The following LHX8 variants were observed in gnomAD, a reference collection of about 807,000 sequenced individuals.
The protein encoded by LHX8 is LIM/homeobox protein Lhx8.
In LHX8, 12 loss-of-function variants were observed where a neutral mutation model predicts 40.3. That is an observed-to-expected ratio of 0.30 (90% CI 0.19 to 0.48). LHX8 has a LOEUF of 0.48. LHX8 is among the 20% of genes least tolerant of loss of function. LHX8 has a pLI of 0.99. For synonymous variants in LHX8, 179 were observed against 162.0 expected, an observed-to-expected ratio of 1.10 and a Z score of -0.80; for missense variants, 344 against 433.7, an observed-to-expected ratio of 0.79 and a Z score of 1.84.
At chr1:75,137,403 T>G in intron 3 of LHX8, 142 bp downstream of exon 3, 4 of 794,954 alleles carry the variant, frequency 5.0e-6, no homozygotes, top group South Asian at 4.9e-5. Flanking sequence ...ATCAGCCCAG[T>G]TTAGGGCAAC....
chr1:75,133,831 T>C (rs1420599584), upstream of LHX8, among the ~76,000 whole-genome samples: 1 of 152,222 alleles, frequency 6.6e-6, no homozygotes, highest in Non-Finnish European at 1.5e-5. Context: ...CTTGTAGCCT[T>C]GATTTCAAAT....
At chr1:75,139,772 T>A (rs1458398938) in intron 3 of LHX8, among the ~76,000 whole-genome samples, 3 of 152,172 alleles carry the variant, frequency 2.0e-5, no homozygotes, top group African/African-American at 7.2e-5. Flanking sequence ...AAGAGACACA[T>A]AACTGTAATT....
chr1:75,129,221 C>T (rs558089395), intron 1 of LHX8, among the ~76,000 whole-genome samples: 16 of 152,222 alleles, frequency 1.1e-4, no homozygotes, highest in African/African-American at 3.9e-4. Flanking sequence ...TAACTTCAAA[C>T]CTGTGCTCTT....
intron 1 of LHX8, 26 bp downstream of exon 1, chr1:75,134,980 C>T: frequency 1.0e-6 from 1 of 975,822 alleles, no homozygotes; most frequent in Non-Finnish European, 1.2e-6. Flanking sequence ...GTTCTATTTG[C>T]TGTGGTGATC....
At chr1:75,138,113 G>A (rs1648205729) in intron 3 of LHX8, among the ~76,000 whole-genome samples, 1 of 152,116 alleles carries the variant, frequency 6.6e-6, no homozygotes, top group South Asian at 2.1e-4. Context: ...AGAAATTTTG[G>A]CAGGCCACAG....
At chr1:75,178,674 C>T in the LHX8 span, among the ~76,000 whole-genome samples, 1 of 152,308 alleles carries the variant, frequency 6.6e-6, no homozygotes, top group Non-Finnish European at 1.5e-5. Flanking sequence ...CTATCTCCTT[C>T]AGTTCTGCTC....
Position 75,160,599 on chromosome 1 carries a change from T to C in LHX8, c.965-220T>C, listed in dbSNP as rs141795656. 381 of 563,678 alleles carry C rather than the reference T, an allele frequency of 6.8e-4. 2 individuals carry two copies. The highest frequency in any genetic ancestry group is 6.2e-3 in the African/African-American group (330 of 53,008). 34.9% of individuals were successfully genotyped at this position (563,678 alleles called of 1,614,324 possible). A position where few individuals can be genotyped will look rare whatever the true frequency, so the allele number is the denominator to read the frequency against. The stretch of plus-strand genomic sequence containing the variant: ...GATGGAGGACATTAAAATGGCAAAA[T>C]CTTGTGGCCCCAAATAAAGATTTGG... On this transcript the variant is annotated intron_variant, in intron 8 of 8. Coordinates refer to ENST00000356261, the MANE Select transcript of LHX8 (RefSeq NM_001256114.2).
chr1:75,157,072 G>A lies in LHX8; in HGVS notation c.960G>A (p.Met320Ile), dbSNP rs779442273. 3 of 1,614,098 alleles carry A rather than the reference G, an allele frequency of 1.9e-6. No homozygotes were observed. The Admixed American group carries it at 5.0e-5, about 27-fold the overall frequency. The change falls in exon 8 of 9, where the codon ATG (methionine) becomes ATA (isoleucine). Residue 320 changes from methionine (M) to isoleucine (I), a missense_variant. This residue lies in a region of LHX8 where 89 missense variants were observed against 92.8 expected (regional missense o/e 0.96). Transcript: ENST00000356261. Reference protein sequence around the residue: ...GTMLTALHSYMDAHSPTTLGL... With the variant: ...GTMLTALHSYIDAHSPTTLGL... The stretch of plus-strand genomic sequence containing the variant: ...TGTTAACTGCGCTGCATAGTTATAT[G>A]GATGGTAGGTATCCCAACATTTAAC...
the LHX8 span, among the ~76,000 whole-genome samples, chr1:75,195,201 C>T: frequency 6.6e-6 from 1 of 152,174 alleles, no homozygotes; most frequent in Non-Finnish European, 1.5e-5. Flanking sequence ...TAAATTTTCA[C>T]ATTACCCAAA....
At position 75,151,390 on chromosome 1, in the gene LHX8, C is replaced by T. The variant is rs537846578; in HGVS notation, c.780+2708C>T. Among the ~76,000 whole-genome samples the T allele has an allele frequency of 1.6e-4, 24 of 152,270 alleles. No homozygotes were observed. The Middle Eastern group carries it at 0.01, about 65-fold the overall frequency. ...ATAAGCAATCTGAAAAACATACTAC[C>T]TCAAAGGCTACCAGGGTTGTGAAAG... On this transcript the variant is annotated intron_variant, in intron 7 of 8. Coordinates refer to ENST00000356261, the MANE Select transcript of LHX8 (RefSeq NM_001256114.2).
rs903869073 is a variant in LHX8 at position 75,156,930 on chromosome 1, A to C, written c.818A>C (p.His273Pro). 1 of 1,614,160 alleles carries C rather than the reference A, an allele frequency of 6.2e-7. No homozygotes were observed. The highest frequency in any genetic ancestry group is 2.2e-5 in the East Asian group (1 of 44,868). Residue 273 changes from histidine to proline, a missense_variant, in exon 8 of 9, where the codon CAC becomes CCC. His to Pro is a moderately conservative substitution (Grantham distance 77). Transcript: ENST00000356261. ...AATTGTAGAGCACGCCACAAGAAAC[A>C]CGTCAGTCCTAATCACTCATCCTCC... ...FQNCRARHKK[H>P]VSPNHSSSTP... is the part of the protein sequence containing the mutation.
Position 75,128,950 on chromosome 1 carries a change from C to T in LHX8, c.-490+342C>T, listed in dbSNP as rs115689198. On this transcript the variant is annotated intron_variant, in intron 1 of 9. Transcript: ENST00000294638. ...TCTGAACCCCTAGAAGTGGTCAACTCGCTGAAGAACATTGACCTACCCTTC... is the reference window on the plus strand; with the variant it reads ...TCTGAACCCCTAGAAGTGGTCAACTTGCTGAAGAACATTGACCTACCCTTC... 4.1e-3 allele frequency among the ~76,000 whole-genome samples: 628 copies of T among 152,240 alleles called. 2 individuals carry two copies. Among genetic ancestry groups the T allele is most frequent in the African/African-American group, 0.014 (587 of 41,562 alleles).
At chr1:75,139,534 C>G (rs1423816629) in intron 3 of LHX8, among the ~76,000 whole-genome samples, 2 of 152,098 alleles carry the variant, frequency 1.3e-5, no homozygotes, top group Non-Finnish European at 2.9e-5. Flanking sequence ...TTCATCTAAA[C>G]TTTATACTGG....
intron 3 of LHX8, among the ~76,000 whole-genome samples, chr1:75,140,369 T>C (rs1648279539): frequency 6.6e-6 from 1 of 152,192 alleles, no homozygotes; most frequent in Admixed American, 6.5e-5. Context: ...ACTTTTCTAC[T>C]TATTTCTATT....
the LHX8 span, among the ~76,000 whole-genome samples, chr1:75,171,776 C>T: frequency 6.6e-6 from 1 of 152,132 alleles, no homozygotes; most frequent in Non-Finnish European, 1.5e-5. Context: ...GTTTCTCTTG[C>T]CTTCCCTTCT....
intron 8 of LHX8, among the ~76,000 whole-genome samples, chr1:75,158,858 CTA>C (rs1648839702): frequency 6.6e-6 from 1 of 152,078 alleles, no homozygotes. Flanking sequence ...ACCTACTTGT[CTA>C]TTTCTACCCC....
intron 2 of LHX8, 127 bp downstream of exon 2, chr1:75,136,816 G>A (rs1027791117): frequency 5.2e-6 from 4 of 776,120 alleles, no homozygotes; most frequent in Non-Finnish European, 8.4e-6. Context: ...AGAGGACGGG[G>A]CGGAGAGGGT....
At chr1:75,129,245 G>A (rs201263693) in intron 1 of LHX8, among the ~76,000 whole-genome samples, 2 of 152,064 alleles carry the variant, frequency 1.3e-5, no homozygotes, top group Admixed American at 1.3e-4. Flanking sequence ...ATAATAACAC[G>A]TTGCCTACCT....
chr1:75,133,545 T>C (rs1404957570), upstream of LHX8, among the ~76,000 whole-genome samples: 1 of 152,242 alleles, frequency 6.6e-6, no homozygotes, highest in Non-Finnish European at 1.5e-5. Flanking sequence ...TTCAGAAGTT[T>C]AGCTTTTTAA....
Sources: gnomAD v4.1 joint callset for allele counts (sites outside exome capture counted in the v4.1 genomes callset) on GRCh38, gnomAD v4.1.1 for gene constraint, gnomAD v4.1.1 regional missense constraint, MANE v1.5 for transcripts, NCBI Gene and HGNC (gene_info 2026-07-23, HGNC 2026-07-21) for gene names.